ANK3: variants seen among roughly 807,000 people sequenced by gnomAD.
ANK3 encodes the protein ankyrin 3.
Under a neutral mutation model 370.9 loss-of-function variants are expected in ANK3, and 57 were observed. The observed-to-expected ratio is 0.15, with a 90% CI of 0.12 to 0.19. The LOEUF (loss-of-function observed/expected upper bound fraction) is 0.19. Ranked by LOEUF, ANK3 falls within the 10% of genes least tolerant of loss-of-function variation. ANK3 has a pLI of 1.00. For missense variants in ANK3, 4,439 were observed against 5,302.1 expected (o/e 0.84, Z 5.06); for synonymous variants, 1,929 against 1,946.3 (o/e 0.99, Z 0.23).
At chr10:60,560,189 A>G (rs963049405) in intron 2 of ANK3, among the ~76,000 whole-genome samples, 1 of 152,234 alleles carries the variant, frequency 6.6e-6, no homozygotes, top group African/African-American at 2.4e-5. Flanking sequence ...AAGCACTTTC[A>G]TCAAGTGGAC....
intron 1 of ANK3, among the ~76,000 whole-genome samples, chr10:60,683,084 T>C (rs2079218237): frequency 6.6e-6 from 1 of 152,042 alleles, no homozygotes; most frequent in South Asian, 2.1e-4. Flanking sequence ...CCAGCTGGTG[T>C]CCAGGCTTGG....
chr10:60,038,765 T>C (rs964785268), intron 43 of ANK3, among the ~76,000 whole-genome samples: 3 of 152,132 alleles, frequency 2.0e-5, no homozygotes, highest in African/African-American at 4.8e-5. Context: ...TTTGAAGAAA[T>C]GAAAGATCAC....
At chr10:60,535,227 T>C (rs982273847) in intron 2 of ANK3, among the ~76,000 whole-genome samples, 2 of 152,132 alleles carry the variant, frequency 1.3e-5, no homozygotes, top group African/African-American at 2.4e-5. Context: ...AGTCACTCAG[T>C]ATCAGTGGGC....
intron 1 of ANK3, among the ~76,000 whole-genome samples, chr10:60,682,240 C>A (rs1208317666): frequency 1.3e-5 from 2 of 152,172 alleles, no homozygotes; most frequent in African/African-American, 2.4e-5. Context: ...GTCAAAGTCA[C>A]ACAACCAGAT....
At chr10:60,383,764 T>A (rs72806129) in intron 1 of ANK3, among the ~76,000 whole-genome samples, 16,226 of 152,138 alleles carry the variant, frequency 0.11, 957 homozygotes, top group South Asian at 0.14. Context: ...TCTTCTACCA[T>A]AAAAGTCCAG....
intron 40 of ANK3, chr10:60,059,903 T>C: frequency 6.2e-7 from 1 of 1,614,190 alleles, no homozygotes; most frequent in Non-Finnish European, 8.5e-7. Flanking sequence ...GGGGAGATTC[T>C]ATGCTAGAGA....
intron 2 of ANK3, among the ~76,000 whole-genome samples, chr10:60,419,632 T>C (rs1257725805): frequency 6.6e-6 from 1 of 152,200 alleles, no homozygotes; most frequent in Non-Finnish European, 1.5e-5. Flanking sequence ...GGATGCCCTC[T>C]TGGCCTGTTA....
At chr10:60,377,607 A>G (rs1202143130) in intron 1 of ANK3, among the ~76,000 whole-genome samples, 1 of 152,254 alleles carries the variant, frequency 6.6e-6, no homozygotes, top group African/African-American at 2.4e-5. Context: ...GATAAAAATT[A>G]CATGACATAA....
chr10:60,553,378 A>G (rs1319254764), intron 2 of ANK3, among the ~76,000 whole-genome samples: 2 of 150,524 alleles, frequency 1.3e-5, no homozygotes, highest in African/African-American at 4.8e-5. Context: ...CTCATAGACT[A>G]TACCCAGCAC....
chr10:60,267,204 C>T (rs2097895262), intron 5 of ANK3, among the ~76,000 whole-genome samples: 2 of 152,080 alleles, frequency 1.3e-5, no homozygotes, highest in African/African-American at 4.8e-5. Context: ...TTGCCCCCTA[C>T]TGTTTGTTCT....
chr10:60,704,281 A>T (rs958806465), intron 1 of ANK3, among the ~76,000 whole-genome samples: 1 of 152,206 alleles, frequency 6.6e-6, no homozygotes, highest in Non-Finnish European at 1.5e-5. Context: ...AGTGTTTTTT[A>T]ATCATTTCAC....
intron 2 of ANK3, among the ~76,000 whole-genome samples, chr10:60,472,731 T>C (rs971345334): frequency 1.3e-5 from 2 of 152,186 alleles, no homozygotes; most frequent in Non-Finnish European, 2.9e-5. Context: ...GCATTAAGGA[T>C]AGGATTATGT....
chr10:60,285,830 T>C (rs1035615132), intron 1 of ANK3, among the ~76,000 whole-genome samples: 1 of 152,170 alleles, frequency 6.6e-6, no homozygotes, highest in Non-Finnish European at 1.5e-5. Context: ...AACAGAAATA[T>C]GAACAATAGA....
At chr10:60,221,182 C>T (rs1312467598) in intron 8 of ANK3, among the ~76,000 whole-genome samples, 2 of 151,258 alleles carry the variant, frequency 1.3e-5, no homozygotes, top group African/African-American at 4.9e-5. Flanking sequence ...TGGGTTCAAG[C>T]GATTCTCTTG....
At chr10:60,615,813 A>G (rs1018371779) in intron 1 of ANK3, among the ~76,000 whole-genome samples, 3 of 152,162 alleles carry the variant, frequency 2.0e-5, no homozygotes, top group African/African-American at 7.2e-5. Flanking sequence ...ATAGAAAACC[A>G]AGGATCTACT....
chr10:60,469,031 GTA>G (rs71015795), intron 2 of ANK3, among the ~76,000 whole-genome samples: 3,615 of 11,418 alleles, frequency 0.32, 959 homozygotes, highest in East Asian at 0.46. Flanking sequence ...CACTTTTAGT[GTA>G]TATATATATA....
chr10:60,708,237 T>C (rs756637786), intron 1 of ANK3, among the ~76,000 whole-genome samples: 2 of 152,188 alleles, frequency 1.3e-5, no homozygotes, highest in Non-Finnish European at 2.9e-5. Context: ...CAAAGTTCCT[T>C]TGCTGCTGTA....
At chr10:60,241,381 T>C (rs982369123) in intron 7 of ANK3, among the ~76,000 whole-genome samples, 1 of 152,226 alleles carries the variant, frequency 6.6e-6, no homozygotes, top group Non-Finnish European at 1.5e-5. Flanking sequence ...TTTGTTCTTG[T>C]ACCAAATAAA....
At chr10:60,311,693 T>C (rs947508829) in intron 1 of ANK3, among the ~76,000 whole-genome samples, 7 of 152,304 alleles carry the variant, frequency 4.6e-5, no homozygotes, top group Admixed American at 3.9e-4. Flanking sequence ...CTAAAGGCAA[T>C]TGTATTCCTC....
Sources: allele counts gnomAD v4.1 joint callset (sites outside exome capture counted in the v4.1 genomes callset), GRCh38; gene constraint gnomAD v4.1.1; transcripts MANE v1.5; gene names NCBI Gene and HGNC (gene_info 2026-07-23, HGNC 2026-07-21).